The following FRMPD1 variants were observed in gnomAD, a reference collection of about 807,000 sequenced individuals.
The protein encoded by FRMPD1 is FERM and PDZ domain-containing protein 1.
A neutral mutation model predicts 117.8 loss-of-function variants in FRMPD1; 76 were observed. That is an observed-to-expected ratio of 0.65 (90% CI 0.54 to 0.78). The LOEUF is 0.78. Ranked by LOEUF, FRMPD1 falls within the 30% of genes least tolerant of loss-of-function variation. The pLI is 0.00. For synonymous variants in FRMPD1, 783 were observed against 770.4 expected (o/e 1.02, Z -0.27); for missense variants, 1,786 against 1,964.5 (o/e 0.91, Z 1.72).
rs1824680099 is a variant in FRMPD1 at position 37,745,790 on chromosome 9, A to T, written c.3758A>T (p.Glu1253Val). 6.2e-7 allele frequency: 1 copy of T among 1,614,168 alleles called. No individual in the cohort carries two copies. Among genetic ancestry groups the T allele is most frequent in the Non-Finnish European group, 8.5e-7 (1 of 1,180,000 alleles). Reference sequence around the variant, plus strand: ...CCTGAGTGGGTCTGTTTTAATCCTGAGCCTTCCCTGCCAGAACCACTACCA... The same window carrying T: ...CCTGAGTGGGTCTGTTTTAATCCTGTGCCTTCCCTGCCAGAACCACTACCA... ...DSPEWVCFNP[E>V]PSLPEPLPCP... Residue 1253 changes from glutamate to valine, a missense_variant, in exon 16 of 16, where the codon GAG becomes GTG. Coordinates refer to ENST00000377765, the MANE Select transcript of FRMPD1 (RefSeq NM_014907.3).
chr9:37,711,933 T>C (rs1352662797), intron 5 of FRMPD1, among the ~76,000 whole-genome samples: 2 of 152,102 alleles, frequency 1.3e-5, no homozygotes, highest in Admixed American at 1.3e-4. Context: ...TTATGTATTA[T>C]TTAGGGAAAG....
At chr9:37,633,330 T>C in the FRMPD1 span, among the ~76,000 whole-genome samples, 8 of 152,244 alleles carry the variant, frequency 5.3e-5, no homozygotes, top group African/African-American at 1.9e-4. Flanking sequence ...CATGAGCCAC[T>C]GCTCCTGGCC....
intron 2 of FRMPD1, among the ~76,000 whole-genome samples, chr9:37,705,605 G>A (rs1439544102): frequency 6.6e-6 from 1 of 152,124 alleles, no homozygotes; most frequent in East Asian, 1.9e-4. Flanking sequence ...AATGTCAAAT[G>A]TTGATTTTTG....
At chr9:37,682,221 C>T (rs549238959) in intron 1 of FRMPD1, among the ~76,000 whole-genome samples, 1 of 152,206 alleles carries the variant, frequency 6.6e-6, no homozygotes, top group African/African-American at 2.4e-5. Context: ...TTTAACCTCT[C>T]CAAGCCTCAA....
Position 37,745,867 on chromosome 9 carries a change from G to T in FRMPD1, c.3835G>T (p.Glu1279Ter). The T allele has an allele frequency of 6.2e-7, 1 of 1,614,204 alleles. No individual in the cohort carries two copies. The highest frequency in any genetic ancestry group is 8.5e-7 in the Non-Finnish European group (1 of 1,180,042). Residue 1279 changes from glutamate to a stop codon, truncating the protein, a stop_gained, in exon 16 of 16, where the codon GAA (glutamate) becomes TAA (stop). Transcript: ENST00000377765. LOFTEE classifies it high-confidence loss of function. ...LETSNHCLLS[E>*]GKSDSSSICL... is the part of the protein sequence containing the mutation. ...AACTTCAAACCATTGCTTACTCTCA[G>T]AAGGCAAAAGTGACAGCTCTAGCAT...
Position 37,732,379 on chromosome 9 carries a change from C to T in FRMPD1, c.934C>T (p.His312Tyr), listed in dbSNP as rs1823926999. Residue 312 changes from histidine to tyrosine, a missense_variant, in exon 10 of 16, where the codon CAC (histidine) becomes TAC (tyrosine). Coordinates refer to ENST00000377765, the MANE Select transcript of FRMPD1 (RefSeq NM_014907.3). ...CSSALRLAAL[H>Y]IQERIYACAQ... The stretch of plus-strand genomic sequence containing the variant: ...CTCTGCACTCCGACTCGCGGCTCTG[C>T]ACATCCAGGAACGGATCTACGCCTG... 6.2e-7 allele frequency: 1 copy of T among 1,613,740 alleles called. No homozygotes were observed. The highest frequency in any genetic ancestry group is 8.5e-7 in the Non-Finnish European group (1 of 1,179,998).
the FRMPD1 span, among the ~76,000 whole-genome samples, chr9:37,618,771 C>A: frequency 6.6e-6 from 1 of 152,188 alleles, no homozygotes; most frequent in Non-Finnish European, 1.5e-5. Context: ...TGTTACAAAG[C>A]ATCATCTCTC....
the FRMPD1 span, among the ~76,000 whole-genome samples, chr9:37,613,380 G>C: frequency 6.6e-6 from 1 of 152,166 alleles, no homozygotes; most frequent in African/African-American, 2.4e-5. Context: ...CCTAAAGCAA[G>C]AAGTTAATGT....
At position 37,741,002 on chromosome 9, in the gene FRMPD1, C is replaced by T. The variant is rs375351083; in HGVS notation, c.2356+118C>T. 1.7e-4 allele frequency: 133 copies of T among 772,422 alleles called. No homozygotes were observed. In the African/African-American group the frequency reaches 2.0e-3, roughly 12 times the overall value. 47.8% of individuals were successfully genotyped at this position (772,422 alleles called of 1,614,324 possible). A position where few individuals can be genotyped will look rare whatever the true frequency, so the allele number is the denominator to read the frequency against. On this transcript the variant is annotated intron_variant, in intron 15 of 15. Coordinates refer to ENST00000377765, the MANE Select transcript of FRMPD1 (RefSeq NM_014907.3). ...ACATGAGTGAAACAGGGTCCCTGTA[C>T]ACTTCTGAGGAGGTAGATACAGATT...
intron 1 of FRMPD1, chr9:37,668,160 G>A (rs1423550363): frequency 6.6e-6 from 1 of 152,232 alleles, no homozygotes; most frequent in Non-Finnish European, 1.5e-5. Context: ...GGACCTCTAG[G>A]GTTTCCTCTC....
chr9:37,630,798 T>C, the FRMPD1 span, among the ~76,000 whole-genome samples: 1 of 152,188 alleles, frequency 6.6e-6, no homozygotes, highest in African/African-American at 2.4e-5. Flanking sequence ...CCAGAAGGTA[T>C]TTAGTTGGTT....
the FRMPD1 span, among the ~76,000 whole-genome samples, chr9:37,644,408 C>T: frequency 6.6e-6 from 1 of 152,156 alleles, no homozygotes; most frequent in Non-Finnish European, 1.5e-5. Flanking sequence ...CAACACCGCC[C>T]TTTGCCAATC....
Position 37,740,129 on chromosome 9 carries a change from GC to G in FRMPD1, c.1602del (p.Cys534TrpfsTer12). ...SDSEESSEVD[C>X]VLEPLSDRRL... ...TCAGAGGAGTCCTCTGAGGTGGACT[GC>G]GTACTCGAACCTCTCTCTGACAGGC... On this transcript the variant is annotated frameshift_variant, in exon 15 of 16. Coordinates refer to ENST00000377765, the MANE Select transcript of FRMPD1 (RefSeq NM_014907.3). LOFTEE classifies it high-confidence loss of function. This position sits in a 1 kb window ranked among gnomAD's most constrained non-coding sequence, Gnocchi z 4.2. 6.2e-7 allele frequency: 1 copy of G among 1,613,712 alleles called. No individual in the cohort carries two copies. The highest frequency in any genetic ancestry group is 1.3e-5 in the African/African-American group (1 of 75,030).
chr9:37,685,426 A>T (rs549894737), intron 1 of FRMPD1, among the ~76,000 whole-genome samples: 2 of 152,054 alleles, frequency 1.3e-5, no homozygotes, highest in East Asian at 1.9e-4. Flanking sequence ...GGCGGATCAC[A>T]AAGTCAGGAG....
At chr9:37,690,104 A>G (rs1169290915) in intron 1 of FRMPD1, among the ~76,000 whole-genome samples, 1 of 151,486 alleles carries the variant, frequency 6.6e-6, no homozygotes, top group African/African-American at 2.4e-5. Flanking sequence ...CATTTCCTTT[A>G]TTTTCTACTT....
chr9:37,651,404 C>A (rs1820671213), intron 1 of FRMPD1, among the ~76,000 whole-genome samples: 1 of 152,224 alleles, frequency 6.6e-6, no homozygotes, highest in African/African-American at 2.4e-5. Context: ...GGTGCGGCCG[C>A]GGCCAGCGCC....
At chr9:37,627,153 C>T in the FRMPD1 span, among the ~76,000 whole-genome samples, 1 of 152,142 alleles carries the variant, frequency 6.6e-6, no homozygotes, top group African/African-American at 2.4e-5. Flanking sequence ...CTTTCAGCTC[C>T]AGTTTAAAGT....
At chr9:37,737,475 G>A (rs1352548615) in intron 14 of FRMPD1, among the ~76,000 whole-genome samples, 4 of 152,202 alleles carry the variant, frequency 2.6e-5, no homozygotes, top group African/African-American at 9.6e-5. Context: ...CTGTGGAAGA[G>A]CTCTAGTTCC....
chr9:37,636,613 G>A, the FRMPD1 span: 1 of 1,100,676 alleles, frequency 9.1e-7, no homozygotes. Flanking sequence ...GAGAGGAAGA[G>A]GGAGGCACCT....
Sources: gnomAD v4.1 joint callset for allele counts (sites outside exome capture counted in the v4.1 genomes callset) on GRCh38, gnomAD v4.1.1 for gene constraint, Gnocchi (gnomAD v3.1) non-coding constraint, MANE v1.5 for transcripts, NCBI Gene and HGNC (gene_info 2026-07-23, HGNC 2026-07-21) for gene names.